Variants in CTNNBL1 observed in about 807,000 individuals in gnomAD.
CTNNBL1 encodes beta-catenin-like protein 1.
In CTNNBL1, 31 loss-of-function variants were observed where a neutral mutation model predicts 72.7. The observed-to-expected ratio is 0.43, with a 90% CI of 0.32 to 0.58. The LOEUF (loss-of-function observed/expected upper bound fraction) is 0.58, where lower values mean the gene tolerates loss of function less well. CTNNBL1 is among the 20% of genes least tolerant of loss of function. CTNNBL1 has a pLI of 0.08. For synonymous variants in CTNNBL1, 240 were observed against 267.3 expected, an observed-to-expected ratio of 0.90 and a Z score of 1.00; for missense variants, 534 against 725.1, an observed-to-expected ratio of 0.74 and a Z score of 3.03.
chr20:37,702,566 G>T lies in CTNNBL1; in HGVS notation c.30+8414G>T, dbSNP rs545867025. 4.6e-5 allele frequency among the ~76,000 whole-genome samples: 7 copies of T among 152,220 alleles called. No homozygotes were observed. The South Asian group carries it at 1.5e-3, about 32-fold the overall frequency. ...TACATTTTGAAGTTACTTTTTGTTG[G>T]AAGTGTGACTCTAACAGATAAGGAG... On this transcript the variant is annotated intron_variant, in intron 1 of 15. Transcript: ENST00000361383.
At chr20:37,722,671 G>A (rs944514255) in intron 1 of CTNNBL1, among the ~76,000 whole-genome samples, 1 of 152,082 alleles carries the variant, frequency 6.6e-6, no homozygotes, top group African/African-American at 2.4e-5. Context: ...GTGAGATAGC[G>A]AAGCAAGGGC....
intron 13 of CTNNBL1, 56 bp downstream of exon 13, chr20:37,842,475 C>T (rs6013221): frequency 8.4e-7 from 1 of 1,188,366 alleles, no homozygotes. Flanking sequence ...GTTTGGGTCC[C>T]TTGTGTTCCT....
At chr20:37,749,778 C>G (rs2073301764) in intron 4 of CTNNBL1, 1 of 151,988 alleles carries the variant, frequency 6.6e-6, no homozygotes, top group Non-Finnish European at 1.5e-5. Context: ...CTACCATATC[C>G]TCTGTTGGTC....
intron 10 of CTNNBL1, among the ~76,000 whole-genome samples, chr20:37,791,589 A>G (rs1283424446): frequency 6.6e-6 from 1 of 152,098 alleles, no homozygotes; most frequent in Non-Finnish European, 1.5e-5. Context: ...TTCTTTATAT[A>G]TTATATGGTT....
intron 7 of CTNNBL1, among the ~76,000 whole-genome samples, chr20:37,770,734 T>G (rs2073514758): frequency 6.6e-6 from 1 of 152,224 alleles, no homozygotes. Flanking sequence ...GCCATGTTGC[T>G]GTCTCTGAAA....
chr20:37,774,484 G>A (rs1027811663), intron 7 of CTNNBL1, among the ~76,000 whole-genome samples: 9 of 152,190 alleles, frequency 5.9e-5, no homozygotes, highest in African/African-American at 1.7e-4. Flanking sequence ...TTGGTTTCCT[G>A]ATTAGATTCT....
intron 4 of CTNNBL1, among the ~76,000 whole-genome samples, 191 bp from the exon 5 acceptor site, chr20:37,757,367 CT>C (rs1334649808): frequency 6.6e-6 from 1 of 152,184 alleles, no homozygotes; most frequent in Non-Finnish European, 1.5e-5. Context: ...AGGCAAGAGA[CT>C]GAGTGAGTCA....
chr20:37,869,533 G>A (rs996632042), intron 15 of CTNNBL1, among the ~76,000 whole-genome samples: 13 of 152,226 alleles, frequency 8.5e-5, no homozygotes, highest in Non-Finnish European at 2.9e-5. Flanking sequence ...TGGGAGGAAG[G>A]CGAAAGCCCC....
At chr20:37,800,563 G>A (rs989115572) in intron 10 of CTNNBL1, among the ~76,000 whole-genome samples, 1 of 152,056 alleles carries the variant, frequency 6.6e-6, no homozygotes, top group Non-Finnish European at 1.5e-5. Flanking sequence ...TGTGCCCACT[G>A]TACTTATTAT....
chr20:37,860,468 G>C (rs930110067), intron 15 of CTNNBL1, 124 bp downstream of exon 15: 1 of 780,728 alleles, frequency 1.3e-6, no homozygotes, highest in East Asian at 2.6e-5. Flanking sequence ...TTAAGTTGTT[G>C]TCCATTTCAC....
chr20:37,713,172 C>T (rs539212779), intron 1 of CTNNBL1, among the ~76,000 whole-genome samples: 6 of 152,284 alleles, frequency 3.9e-5, no homozygotes, highest in South Asian at 4.2e-4. Context: ...TGCAAGGACA[C>T]AGAAGGCTCA....
In CTNNBL1 at chr20:37,829,041, G is replaced by A. The variant is rs6021203; in HGVS notation, c.1214-11061G>A. 5.8e-3 allele frequency among the ~76,000 whole-genome samples: 888 copies of A among 152,298 alleles called. 9 individuals are homozygous for A. The highest frequency in any genetic ancestry group is 0.02 in the African/African-American group (850 of 41,544). On this transcript the variant is annotated intron_variant, in intron 11 of 15. Coordinates refer to ENST00000361383, the MANE Select transcript of CTNNBL1 (RefSeq NM_030877.5). Reference sequence around the variant, plus strand: ...CACTGCTGAAGTCAAGATCGATCTAGTTAGGGTATTTTAAACATCCTGTTT... The same window carrying A: ...CACTGCTGAAGTCAAGATCGATCTAATTAGGGTATTTTAAACATCCTGTTT...
At chr20:37,781,201 C>T (rs2073622371) in intron 10 of CTNNBL1, among the ~76,000 whole-genome samples, 1 of 152,058 alleles carries the variant, frequency 6.6e-6, no homozygotes. Context: ...TGAAATGACC[C>T]ACCTTCTCTC....
chr20:37,718,195 C>T (rs1296308199), intron 1 of CTNNBL1, among the ~76,000 whole-genome samples: 20 of 150,842 alleles, frequency 1.3e-4, no homozygotes, highest in African/African-American at 2.7e-4. Flanking sequence ...CGGGCAGAGG[C>T]GCCCCTCACC....
At chr20:37,765,669 T>C (rs1191882717) in intron 6 of CTNNBL1, among the ~76,000 whole-genome samples, 1 of 152,278 alleles carries the variant, frequency 6.6e-6, no homozygotes, top group African/African-American at 2.4e-5. Flanking sequence ...CACTTTTCTT[T>C]CATGGAACTG....
At chr20:37,770,907 A>C (rs1274898800) in intron 7 of CTNNBL1, among the ~76,000 whole-genome samples, 1 of 152,248 alleles carries the variant, frequency 6.6e-6, no homozygotes, top group Non-Finnish European at 1.5e-5. Context: ...GGCCAGCAAG[A>C]GGGCATGTCC....
At chr20:37,789,665 A>G (rs979332475) in intron 10 of CTNNBL1, among the ~76,000 whole-genome samples, 21 of 152,374 alleles carry the variant, frequency 1.4e-4, no homozygotes, top group African/African-American at 4.1e-4. Context: ...TGCTACAAAT[A>G]GAAGATTCCA....
intron 10 of CTNNBL1, among the ~76,000 whole-genome samples, chr20:37,788,659 C>T (rs2073699047): frequency 6.6e-6 from 1 of 152,250 alleles, no homozygotes. Context: ...TGCATAAGCT[C>T]CCCAAATGAG....
chr20:37,785,186 A>T (rs2073661720), intron 10 of CTNNBL1, among the ~76,000 whole-genome samples: 1 of 151,760 alleles, frequency 6.6e-6, no homozygotes, highest in South Asian at 2.1e-4. Context: ...TGCTTTTAGG[A>T]TCCTTTGTTT....
Sources: gnomAD v4.1 joint callset for allele counts (sites outside exome capture counted in the v4.1 genomes callset) on GRCh38, gnomAD v4.1.1 for gene constraint, MANE v1.5 for transcripts, NCBI Gene and HGNC (gene_info 2026-07-23, HGNC 2026-07-21) for gene names.